The following SNX24 variants were observed in gnomAD, a reference collection of about 807,000 sequenced individuals.
SNX24 encodes sorting nexin-24.
SNX24 carries 22 observed loss-of-function variants against 28.7 expected under a neutral mutation model. The ratio of observed to expected loss-of-function variants is 0.77; its 90% CI spans 0.55 to 1.10. SNX24 has a LOEUF of 1.10. Among genes scored for constraint, SNX24 ranks in the 50% least tolerant of loss-of-function variants. The pLI is 0.00. For synonymous variants in SNX24, 69 were observed against 71.5 expected (o/e 0.96, Z 0.18); for missense variants, 221 against 201.1 (o/e 1.10, Z -0.60).
At chr5:122,931,213 A>G (rs1169780274) in intron 1 of SNX24, among the ~76,000 whole-genome samples, 1 of 152,176 alleles carries the variant, frequency 6.6e-6, no homozygotes, top group Non-Finnish European at 1.5e-5. Flanking sequence ...TGCTTTATCA[A>G]TGTGGCATCT....
chr5:122,971,574 T>C (rs246322), intron 3 of SNX24, among the ~76,000 whole-genome samples: 117,066 of 152,154 alleles, frequency 0.77, 45,915 homozygotes, highest in East Asian at 0.99. Flanking sequence ...CTTCATGCAA[T>C]CAGAAGCTCA....
At chr5:122,861,753 T>C (rs548371401) in intron 1 of SNX24, among the ~76,000 whole-genome samples, 21 of 152,198 alleles carry the variant, frequency 1.4e-4, no homozygotes, top group East Asian at 3.9e-4. Flanking sequence ...ATTTGAAATA[T>C]GCTAGTCCCC....
rs181453183 is a variant in SNX24 at position 123,005,339 on chromosome 5, C to T, written c.443-2343C>T. Among the ~76,000 whole-genome samples the T allele has an allele frequency of 4.9e-4, 74 of 152,224 alleles. No homozygotes were observed. In the South Asian group the frequency reaches 7.3e-3, roughly 15 times the overall value. On this transcript the variant is annotated intron_variant, in intron 6 of 6. Transcript: ENST00000261369. ...CCCTCTGCCAGGAATGCCCTTCTCCCGGACACCCTCCCAGCGGGCTGCTTT... is the reference window on the plus strand; with the variant it reads ...CCCTCTGCCAGGAATGCCCTTCTCCTGGACACCCTCCCAGCGGGCTGCTTT...
At chr5:122,983,179 AG>A (rs1761460202) in intron 3 of SNX24, 1 of 138,868 alleles carries the variant, frequency 7.2e-6, no homozygotes, top group Non-Finnish European at 1.6e-5. Flanking sequence ...CATATTCTCA[AG>A]TGAGATTTTT....
chr5:122,962,078 C>A (rs1006733601), intron 3 of SNX24, among the ~76,000 whole-genome samples: 1 of 152,136 alleles, frequency 6.6e-6, no homozygotes, highest in Non-Finnish European at 1.5e-5. Flanking sequence ...CTTAGAACAA[C>A]GTATGGCATT....
intron 1 of SNX24, among the ~76,000 whole-genome samples, chr5:122,875,640 T>A (rs1024280629): frequency 2.6e-5 from 4 of 152,196 alleles, no homozygotes; most frequent in Non-Finnish European, 5.9e-5. Flanking sequence ...ATCAAGTTGG[T>A]GCAAAAGTAA....
intron 5 of SNX24, among the ~76,000 whole-genome samples, chr5:123,026,828 C>A (rs537643931): frequency 6.6e-6 from 1 of 152,326 alleles, no homozygotes; most frequent in South Asian, 2.1e-4. Flanking sequence ...CAAGGGTCTA[C>A]CAGGCCCACC....
intron 1 of SNX24, among the ~76,000 whole-genome samples, chr5:122,860,562 C>T (rs989664295): frequency 6.6e-6 from 1 of 152,098 alleles, no homozygotes; most frequent in Non-Finnish European, 1.5e-5. Flanking sequence ...AGGTGCATAC[C>T]ACATTTCTAA....
chr5:123,004,356 A>C (rs72798759), intron 6 of SNX24, among the ~76,000 whole-genome samples: 266 of 152,294 alleles, frequency 1.7e-3, no homozygotes, highest in Admixed American at 3.1e-3. Flanking sequence ...GCTGAAGCCC[A>C]TGGATATTTT....
intron 2 of SNX24, among the ~76,000 whole-genome samples, chr5:122,939,649 T>A (rs1759351414): frequency 6.6e-6 from 1 of 152,238 alleles, no homozygotes; most frequent in African/African-American, 2.4e-5. Context: ...CCATTTTCTT[T>A]TAGTTTTTGT....
intron 1 of SNX24, among the ~76,000 whole-genome samples, chr5:122,853,041 G>A (rs1161612419): frequency 6.7e-6 from 1 of 150,212 alleles, no homozygotes; most frequent in Non-Finnish European, 1.5e-5. Context: ...ATTCATGGTA[G>A]GCTCATAGCA....
chr5:122,939,855 A>G (rs1759363496), intron 2 of SNX24, among the ~76,000 whole-genome samples: 1 of 152,188 alleles, frequency 6.6e-6, no homozygotes. Flanking sequence ...ACCTACCTCC[A>G]TCACACACAC....
chr5:123,004,671 C>G (rs1048352962), intron 6 of SNX24, among the ~76,000 whole-genome samples: 2 of 152,198 alleles, frequency 1.3e-5, no homozygotes, highest in African/African-American at 4.8e-5. Flanking sequence ...CTGCCCCAGG[C>G]TCATGTTCCT....
At chr5:122,943,409 T>C (rs949054970) in intron 2 of SNX24, among the ~76,000 whole-genome samples, 4 of 152,148 alleles carry the variant, frequency 2.6e-5, no homozygotes, top group Non-Finnish European at 5.9e-5. Flanking sequence ...TGACTTCCCA[T>C]CATCTGGCAC....
chr5:122,960,955 T>C (rs1246878172), intron 3 of SNX24, among the ~76,000 whole-genome samples: 2 of 152,222 alleles, frequency 1.3e-5, no homozygotes, highest in Non-Finnish European at 2.9e-5. Context: ...AATGGTGTTT[T>C]CTCATCATTC....
At chr5:122,915,503 G>T (rs182384110) in intron 1 of SNX24, among the ~76,000 whole-genome samples, 29 of 152,230 alleles carry the variant, frequency 1.9e-4, no homozygotes, top group Admixed American at 1.9e-3. Context: ...GGTGTCACCT[G>T]TAATCCCAGC....
chr5:122,903,743 A>G (rs1757535168), intron 1 of SNX24, among the ~76,000 whole-genome samples: 1 of 152,152 alleles, frequency 6.6e-6, no homozygotes, highest in Admixed American at 6.5e-5. Flanking sequence ...TGTAATTTAA[A>G]GCATAATTAC....
intron 1 of SNX24, among the ~76,000 whole-genome samples, chr5:122,871,816 G>A (rs893819773): frequency 4.6e-5 from 7 of 152,040 alleles, no homozygotes; most frequent in Non-Finnish European, 4.4e-5. Context: ...CATCCTGCTC[G>A]AGGAAGTTCT....
chr5:122,960,510 T>A (rs1195480281), intron 3 of SNX24, among the ~76,000 whole-genome samples: 4 of 152,234 alleles, frequency 2.6e-5, no homozygotes, highest in Non-Finnish European at 5.9e-5. Context: ...AAAATTTCTA[T>A]TTTATGGCCA....
Sources: gnomAD v4.1 joint callset for allele counts (sites outside exome capture counted in the v4.1 genomes callset) on GRCh38, gnomAD v4.1.1 for gene constraint, MANE v1.5 for transcripts, NCBI Gene and HGNC (gene_info 2026-07-23, HGNC 2026-07-21) for gene names.